RANBP17: variants seen among roughly 807,000 people sequenced by gnomAD.
The protein encoded by RANBP17 is ran-binding protein 17.
In RANBP17, 158 loss-of-function variants were observed where a neutral mutation model predicts 141.2. The ratio of observed to expected loss-of-function variants is 1.12; its 90% CI spans 0.98 to 1.28. RANBP17 has a LOEUF of 1.28. Among genes scored for constraint, RANBP17 ranks in the 50% most tolerant of loss-of-function variants. The pLI, the probability that RANBP17 is intolerant of heterozygous loss-of-function variation, is 0.00. For synonymous variants in RANBP17, 430 were observed against 450.0 expected (o/e 0.96, Z 0.56); for missense variants, 1,438 against 1,290.7 (o/e 1.11, Z -1.75).
chr5:170,865,157 G>C lies in RANBP17; in HGVS notation c.18+3106G>C, dbSNP rs553230076. Among the ~76,000 whole-genome samples the C allele has an allele frequency of 3.3e-5, 5 of 152,112 alleles. No homozygotes were observed. The East Asian group carries it at 9.7e-4, about 29-fold the overall frequency. ...GGCTAACTGCAGCCTCTGCCTCCCG[G>C]GTTCCAGTGATTCTCTTGCCTCAGC... On this transcript the variant is annotated intron_variant, in intron 1 of 27. Transcript: ENST00000523189.
intron 1 of RANBP17, among the ~76,000 whole-genome samples, chr5:170,871,290 G>T (rs1210487424): frequency 9.7e-6 from 1 of 102,986 alleles, no homozygotes; most frequent in Admixed American, 1.1e-4. Context: ...CTCATGATCC[G>T]CCTGCCTCTG....
chr5:171,053,045 C>T (rs1459738593), intron 14 of RANBP17, among the ~76,000 whole-genome samples: 3 of 148,442 alleles, frequency 2.0e-5, no homozygotes, highest in African/African-American at 7.4e-5. Context: ...GTCTCAAAAT[C>T]TTAACCTCAG....
chr5:171,277,385 G>A (rs1474474197), intron 25 of RANBP17, among the ~76,000 whole-genome samples: 2 of 151,598 alleles, frequency 1.3e-5, no homozygotes, highest in East Asian at 1.9e-4. Flanking sequence ...TAATGATTCA[G>A]TAATGTTTTC....
At position 170,928,607 on chromosome 5, in the gene RANBP17, A is replaced by G. The variant is rs367844806; in HGVS notation, c.1468+4057A>G. On this transcript the variant is annotated intron_variant, in intron 12 of 27. Coordinates refer to ENST00000523189, the MANE Select transcript of RANBP17 (RefSeq NM_022897.5). ...TTCTCCCCCATTGAATCACTATGACACCTTGGTCAAAAATCAGTTGACCAT... is the reference window on the plus strand; with the variant it reads ...TTCTCCCCCATTGAATCACTATGACGCCTTGGTCAAAAATCAGTTGACCAT... Among the ~76,000 whole-genome samples the G allele has an allele frequency of 5.0e-4, 76 of 152,148 alleles. 1 individual carries two copies. The South Asian group carries it at 0.013, about 26-fold the overall frequency.
intron 14 of RANBP17, among the ~76,000 whole-genome samples, chr5:171,033,928 G>T (rs1279698929): frequency 6.6e-6 from 1 of 152,054 alleles, no homozygotes; most frequent in African/African-American, 2.4e-5. Context: ...GCAACATAGT[G>T]AGGCTCTGTC....
At chr5:171,141,733 G>A (rs1355489971) in intron 14 of RANBP17, among the ~76,000 whole-genome samples, 2 of 151,022 alleles carry the variant, frequency 1.3e-5, no homozygotes, top group African/African-American at 4.9e-5. Flanking sequence ...GTGCTTATTT[G>A]ACGGGAGTGT....
Position 171,141,093 on chromosome 5 carries a change from CATTTGCAGA to C in RANBP17, c.1711-29034_1711-29026del, listed in dbSNP as rs1757658435. ...TTCCTCACAACATTCATTTAAGAAA[CATTTGCAGA>C]ATCCCTAAAAATGTTTCTTTTTTCC... On this transcript the variant is annotated intron_variant, in intron 14 of 27. Coordinates refer to ENST00000523189, the MANE Select transcript of RANBP17 (RefSeq NM_022897.5). Among the ~76,000 whole-genome samples the C allele has an allele frequency of 3.3e-5, 5 of 152,246 alleles. No homozygotes were observed. In the South Asian group the frequency reaches 1.0e-3, roughly 32 times the overall value.
At chr5:170,874,248 TC>T (rs1198376494) in intron 1 of RANBP17, among the ~76,000 whole-genome samples, 1 of 152,200 alleles carries the variant, frequency 6.6e-6, no homozygotes, top group Non-Finnish European at 1.5e-5. Flanking sequence ...GTGCTTTACT[TC>T]CAGTTATGTG....
At chr5:171,035,908 C>A (rs1387101936) in intron 14 of RANBP17, among the ~76,000 whole-genome samples, 1 of 151,562 alleles carries the variant, frequency 6.6e-6, no homozygotes, top group East Asian at 1.9e-4. Flanking sequence ...TTCTTTCTTT[C>A]TTTGAGACAG....
intron 14 of RANBP17, among the ~76,000 whole-genome samples, chr5:171,098,970 A>G (rs893844420): frequency 6.6e-6 from 1 of 152,128 alleles, no homozygotes; most frequent in Non-Finnish European, 1.5e-5. Flanking sequence ...CATTTGGTCT[A>G]TATATCTGTT....
At chr5:170,955,681 T>TATATATATATATATATATATATACACAC (rs769742239) in intron 13 of RANBP17, among the ~76,000 whole-genome samples, 1 of 39,064 alleles carries the variant, frequency 2.6e-5, no homozygotes, top group Non-Finnish European at 5.4e-5. Flanking sequence ...TATATATATA[T>TATATATATATATATATATATATACACAC]ACACTGAATG....
At chr5:170,930,606 T>C (rs1178194370) in intron 12 of RANBP17, among the ~76,000 whole-genome samples, 1 of 152,080 alleles carries the variant, frequency 6.6e-6, no homozygotes, top group African/African-American at 2.4e-5. Flanking sequence ...TTCCCCGCCC[T>C]GTGTCCATGT....
chr5:171,072,152 G>GA (rs1477352501), intron 14 of RANBP17, among the ~76,000 whole-genome samples: 22 of 152,070 alleles, frequency 1.4e-4, no homozygotes, highest in Admixed American at 1.4e-3. Context: ...GATACGATGT[G>GA]AAAAAGACTC....
intron 25 of RANBP17, among the ~76,000 whole-genome samples, chr5:171,268,455 G>C (rs921665137): frequency 6.6e-6 from 1 of 152,146 alleles, no homozygotes; most frequent in African/African-American, 2.4e-5. Context: ...CACACCATTG[G>C]TATTCAAGGT....
intron 14 of RANBP17, among the ~76,000 whole-genome samples, chr5:171,028,119 CA>C (rs920956995): frequency 4.7e-5 from 7 of 150,126 alleles, no homozygotes; most frequent in African/African-American, 1.5e-4. Flanking sequence ...TAAGGCACTA[CA>C]AAAAAAAGCA....
intron 14 of RANBP17, among the ~76,000 whole-genome samples, chr5:171,161,696 A>G (rs963833474): frequency 2.6e-5 from 4 of 152,184 alleles, no homozygotes; most frequent in African/African-American, 7.2e-5. Flanking sequence ...CCTATATTTA[A>G]TGTGGTTGCA....
intron 14 of RANBP17, among the ~76,000 whole-genome samples, chr5:171,056,865 C>A (rs771583957): frequency 9.9e-5 from 15 of 152,140 alleles, no homozygotes; most frequent in Non-Finnish European, 1.6e-4. Context: ...AAGGGGAAGA[C>A]AGCTTTCCAA....
chr5:171,283,781 TCTAA>T (rs1349730091), intron 25 of RANBP17, among the ~76,000 whole-genome samples: 3 of 152,202 alleles, frequency 2.0e-5, no homozygotes, highest in Admixed American at 1.3e-4. Context: ...AGTAATAAAC[TCTAA>T]CTGAGGCCAT....
chr5:170,911,169 A>T, intron 7 of RANBP17, 35 bp downstream of exon 7: 1 of 1,580,856 alleles, frequency 6.3e-7, no homozygotes, highest in Non-Finnish European at 8.7e-7. Context: ...GGTCATCAAC[A>T]TAAAGGCACA....
Sources: allele counts gnomAD v4.1 joint callset (sites outside exome capture counted in the v4.1 genomes callset), GRCh38; gene constraint gnomAD v4.1.1; transcripts MANE v1.5; gene names NCBI Gene and HGNC (gene_info 2026-07-23, HGNC 2026-07-21).